Variants in COX7B2 observed in about 807,000 individuals in gnomAD.
The protein encoded by COX7B2 is cytochrome c oxidase subunit 7B2.
For synonymous variants in COX7B2, 37 were observed against 32.1 expected (o/e 1.15, Z -0.51); for missense variants, 109 against 95.9 (o/e 1.14, Z -0.57).
chr4:46,791,024 C>T (rs188387876), intron 2 of COX7B2, among the ~76,000 whole-genome samples: 4 of 152,078 alleles, frequency 2.6e-5, no homozygotes, highest in Non-Finnish European at 4.4e-5. Context: ...GTTTGAGACA[C>T]AATCTTGCTC....
chr4:46,772,705 C>T (rs182782914), intron 2 of COX7B2, among the ~76,000 whole-genome samples: 2 of 152,004 alleles, frequency 1.3e-5, no homozygotes, highest in Admixed American at 6.6e-5. Context: ...ACCTGATTCT[C>T]ATCTTCACAG....
chr4:46,802,069 G>A (rs1718685781), intron 2 of COX7B2, among the ~76,000 whole-genome samples: 1 of 152,086 alleles, frequency 6.6e-6, no homozygotes, highest in South Asian at 2.1e-4. Context: ...AGCTTAGAAG[G>A]CAATGAGATT....
intron 2 of COX7B2, among the ~76,000 whole-genome samples, chr4:46,829,553 T>C (rs2109719741): frequency 6.6e-6 from 1 of 152,296 alleles, no homozygotes; most frequent in East Asian, 1.9e-4. Flanking sequence ...GACACACATG[T>C]AGCTATAATT....
chr4:46,814,960 C>T (rs1276926475), intron 2 of COX7B2, among the ~76,000 whole-genome samples: 4 of 151,794 alleles, frequency 2.6e-5, no homozygotes, highest in South Asian at 2.1e-4. Context: ...CCGAAGTGGG[C>T]GAATCACTTC....
chr4:46,752,644 G>A (rs1431502072), intron 2 of COX7B2, among the ~76,000 whole-genome samples: 2 of 152,002 alleles, frequency 1.3e-5, no homozygotes, highest in Admixed American at 6.6e-5. Context: ...GTTGAATTTT[G>A]TCAAAAGCCT....
chr4:46,747,667 TCTC>T (rs1715106121), intron 2 of COX7B2, among the ~76,000 whole-genome samples: 1 of 152,132 alleles, frequency 6.6e-6, no homozygotes, highest in Non-Finnish European at 1.5e-5. Flanking sequence ...TTCAAACACT[TCTC>T]CTTTAAAGGT....
rs1257700433 is a variant in COX7B2, at chr4:46,746,961, AATG to A, written c.-49-11723_-49-11721del. Among the ~76,000 whole-genome samples, 3 of 152,326 alleles carry A rather than the reference AATG, an allele frequency of 2.0e-5. No homozygotes were observed. In the East Asian group the frequency reaches 5.8e-4, roughly 29 times the overall value. On this transcript the variant is annotated intron_variant, in intron 2 of 2. Coordinates refer to ENST00000355591, the MANE Select transcript of COX7B2 (RefSeq NM_130902.3). ...GGAATGCTCAGCAGAAGAGGCAGATAATGATAAGGTTTCAATGTGCAAAAAGTA... is the reference window on the plus strand; with the variant it reads ...GGAATGCTCAGCAGAAGAGGCAGATAATAAGGTTTCAATGTGCAAAAAGTA...
At chr4:46,891,447 G>A (rs1719425540) in intron 1 of COX7B2, among the ~76,000 whole-genome samples, 1 of 152,166 alleles carries the variant, frequency 6.6e-6, no homozygotes, top group Admixed American at 6.5e-5. Flanking sequence ...TATTGACAGG[G>A]AGCAGCAATG....
chr4:46,859,364 T>C (rs1310042991), intron 1 of COX7B2, among the ~76,000 whole-genome samples: 1 of 152,158 alleles, frequency 6.6e-6, no homozygotes, highest in Admixed American at 6.5e-5. Flanking sequence ...GGAGCACAGA[T>C]TTTAGGGGTC....
At chr4:46,749,678 A>G (rs184591020) in intron 2 of COX7B2, among the ~76,000 whole-genome samples, 191 of 152,346 alleles carry the variant, frequency 1.3e-3, no homozygotes, top group Non-Finnish European at 2.2e-3. Context: ...AGAAGTATAA[A>G]CCAGAGGGTG....
At chr4:46,735,924 T>C (rs779679946) in intron 2 of COX7B2, among the ~76,000 whole-genome samples, 7 of 152,148 alleles carry the variant, frequency 4.6e-5, no homozygotes, top group Non-Finnish European at 2.9e-5. Flanking sequence ...AGAGTTCCCA[T>C]GTACCCTGAC....
chr4:46,855,408 G>A (rs1328071167), intron 1 of COX7B2, among the ~76,000 whole-genome samples: 3 of 151,586 alleles, frequency 2.0e-5, no homozygotes, highest in Non-Finnish European at 4.4e-5. Context: ...TTTTATATTA[G>A]GAGTAAGTAT....
chr4:46,896,625 A>G (rs1270892512), intron 1 of COX7B2, among the ~76,000 whole-genome samples: 2 of 150,338 alleles, frequency 1.3e-5, no homozygotes, highest in Non-Finnish European at 1.5e-5. Context: ...ATTTTATACC[A>G]TGCTAGAATT....
chr4:46,851,449 A>T (rs776416868), intron 1 of COX7B2, among the ~76,000 whole-genome samples: 2 of 152,114 alleles, frequency 1.3e-5, no homozygotes, highest in African/African-American at 4.8e-5. Context: ...AAGCTGCAAA[A>T]TTAGTAAGCA....
chr4:46,906,143 C>T (rs1454595955), intron 1 of COX7B2, among the ~76,000 whole-genome samples: 1 of 152,244 alleles, frequency 6.6e-6, no homozygotes, highest in African/African-American at 2.4e-5. Flanking sequence ...ATATTTCAAT[C>T]CTATATTACA....
chr4:46,746,879 C>A (rs1037793938), intron 2 of COX7B2, among the ~76,000 whole-genome samples: 1 of 152,106 alleles, frequency 6.6e-6, no homozygotes, highest in African/African-American at 2.4e-5. Context: ...GTGACTACAG[C>A]CTACTAAACA....
intron 1 of COX7B2, among the ~76,000 whole-genome samples, chr4:46,865,078 T>C (rs1199085254): frequency 6.6e-6 from 1 of 152,216 alleles, no homozygotes; most frequent in East Asian, 1.9e-4. Flanking sequence ...ACAGTATGCC[T>C]GTGTAGTTTT....
intron 1 of COX7B2, among the ~76,000 whole-genome samples, chr4:46,907,268 C>A (rs1367112948): frequency 6.6e-6 from 1 of 152,116 alleles, no homozygotes; most frequent in African/African-American, 2.4e-5. Context: ...TATGTCATTT[C>A]TCTTAAGCTG....
chr4:46,832,291 G>A (rs1229040840), intron 2 of COX7B2, among the ~76,000 whole-genome samples: 1 of 152,018 alleles, frequency 6.6e-6, no homozygotes, highest in African/African-American at 2.4e-5. Context: ...AAGAAACTCC[G>A]AACACATCTG....
Sources: allele counts gnomAD v4.1 joint callset (sites outside exome capture counted in the v4.1 genomes callset), GRCh38; gene constraint gnomAD v4.1.1; transcripts MANE v1.5; gene names NCBI Gene and HGNC (gene_info 2026-07-23, HGNC 2026-07-21).